The following CPED1 variants were observed in gnomAD, a reference collection of about 807,000 sequenced individuals.
CPED1 encodes cadherin like and PC-esterase domain containing 1, also known as cadherin-like and PC-esterase domain-containing protein 1.
In CPED1, 114 loss-of-function variants were observed where a neutral mutation model predicts 128.2. That is an observed-to-expected ratio of 0.89 (90% CI 0.76 to 1.04). The LOEUF is 1.04. Ranked by LOEUF, CPED1 falls within the 50% of genes least tolerant of loss-of-function variation. CPED1 has a pLI of 0.00. For missense variants in CPED1, 1,211 were observed against 1,207.1 expected, an observed-to-expected ratio of 1.00 and a Z score of -0.05; for synonymous variants, 462 against 426.7, an observed-to-expected ratio of 1.08 and a Z score of -1.02.
At chr7:121,211,535 G>A (rs558823498) in intron 16 of CPED1, among the ~76,000 whole-genome samples, 12 of 10,452 alleles carry the variant, frequency 1.1e-3, no homozygotes, top group Non-Finnish European at 3.0e-3. Flanking sequence ...GTTCTGCTAG[G>A]CCAGGCAAGC....
chr7:121,254,441 C>T (rs1798758436), intron 18 of CPED1, among the ~76,000 whole-genome samples: 1 of 151,994 alleles, frequency 6.6e-6, no homozygotes, highest in Non-Finnish European at 1.5e-5. Context: ...GCACTAACCA[C>T]CTTCCTCAAA....
chr7:121,279,913 GA>G (rs1792421844), intron 22 of CPED1, among the ~76,000 whole-genome samples: 1 of 152,178 alleles, frequency 6.6e-6, no homozygotes, highest in South Asian at 2.1e-4. Context: ...CAGTCAGGCA[GA>G]GGGTCCCTCA....
At chr7:121,129,331 A>G (rs1319217562) in intron 11 of CPED1, among the ~76,000 whole-genome samples, 3 of 131,754 alleles carry the variant, frequency 2.3e-5, no homozygotes, top group Admixed American at 7.7e-5. Context: ...ATATATATAT[A>G]TATACGTATA....
chr7:121,256,530 T>A (rs970807158), intron 18 of CPED1, among the ~76,000 whole-genome samples: 1 of 152,014 alleles, frequency 6.6e-6, no homozygotes, highest in Admixed American at 6.6e-5. Context: ...GAATGGCTAT[T>A]ACTGAAAAGT....
chr7:121,212,208 C>T (rs1228614512), intron 16 of CPED1, among the ~76,000 whole-genome samples: 2 of 152,004 alleles, frequency 1.3e-5, no homozygotes, highest in Non-Finnish European at 2.9e-5. Context: ...TACTCAGTCC[C>T]CAAATGCAAC....
chr7:121,066,317 GT>G (rs952989402), intron 5 of CPED1, among the ~76,000 whole-genome samples: 7 of 151,342 alleles, frequency 4.6e-5, no homozygotes, highest in Admixed American at 2.0e-4. Flanking sequence ...GGGGTTTTTT[GT>G]TTTTTGTTTT....
intron 22 of CPED1, among the ~76,000 whole-genome samples, chr7:121,274,483 C>T (rs1262920759): frequency 1.3e-5 from 2 of 152,030 alleles, no homozygotes; most frequent in African/African-American, 2.4e-5. Context: ...TAGGTCTCCG[C>T]CAAATTATCT....
chr7:120,995,803 C>T (rs1392755710), intron 2 of CPED1, among the ~76,000 whole-genome samples: 1 of 152,146 alleles, frequency 6.6e-6, no homozygotes, highest in Non-Finnish European at 1.5e-5. Context: ...TGAGGTCTGC[C>T]ACTGAGCGAC....
intron 3 of CPED1, among the ~76,000 whole-genome samples, chr7:121,041,383 A>AAT (rs3067999): frequency 1.3e-5 from 2 of 150,730 alleles, no homozygotes. Context: ...AATACAGAAA[A>AAT]ATATATATAT....
At chr7:121,278,530 A>C (rs1417546576) in intron 22 of CPED1, among the ~76,000 whole-genome samples, 1 of 152,206 alleles carries the variant, frequency 6.6e-6, no homozygotes, top group Non-Finnish European at 1.5e-5. Context: ...GCTGAAGATG[A>C]GTCACAGATT....
At chr7:121,236,383 C>T (rs190480417) in intron 16 of CPED1, among the ~76,000 whole-genome samples, 46 of 152,024 alleles carry the variant, frequency 3.0e-4, no homozygotes, top group Admixed American at 8.5e-4. Context: ...TCCCTTCTCA[C>T]ATGAACCGTC....
chr7:121,099,967 G>A lies in CPED1; in HGVS notation c.791G>A (p.Arg264Gln), dbSNP rs187314481. 5 of 1,612,944 alleles carry A rather than the reference G, an allele frequency of 3.1e-6. No individual in the cohort carries two copies. The Admixed American group carries it at 5.0e-5, about 16-fold the overall frequency. ...TVLAPHETIF[R>Q]AEDLSVILKA... is the part of the protein sequence containing the mutation. ...CTTGCTCCACATGAAACAATCTTTCGAGCCGAAGATCTATCTGTGATTCTT... is the reference window on the plus strand; with the variant it reads ...CTTGCTCCACATGAAACAATCTTTCAAGCCGAAGATCTATCTGTGATTCTT... The change falls in exon 7 of 23, where the codon CGA (arginine) becomes CAA (glutamine). Residue 264 changes from arginine to glutamine, a missense_variant. Arg to Gln is a conservative substitution (Grantham distance 43, BLOSUM62 1). Coordinates refer to ENST00000310396, the MANE Select transcript of CPED1 (RefSeq NM_024913.5).
At chr7:121,143,629 G>C (rs1584544402) in intron 16 of CPED1, among the ~76,000 whole-genome samples, 1 of 151,900 alleles carries the variant, frequency 6.6e-6, no homozygotes, top group East Asian at 1.9e-4. Context: ...GTGTGCTTTT[G>C]TATATTTGTG....
intron 16 of CPED1, among the ~76,000 whole-genome samples, chr7:121,180,754 C>T (rs958498961): frequency 1.5e-4 from 23 of 152,010 alleles, no homozygotes; most frequent in African/African-American, 5.3e-4. Flanking sequence ...GATGATCTAC[C>T]TATAGGCTTT....
At chr7:121,068,416 G>C (rs898347418) in intron 5 of CPED1, among the ~76,000 whole-genome samples, 3 of 151,954 alleles carry the variant, frequency 2.0e-5, no homozygotes, top group African/African-American at 7.3e-5. Flanking sequence ...TCAAAGATCA[G>C]ATAGTTGTAG....
chr7:121,175,902 G>C (rs1796764968), intron 16 of CPED1, among the ~76,000 whole-genome samples: 1 of 151,998 alleles, frequency 6.6e-6, no homozygotes, highest in Non-Finnish European at 1.5e-5. Flanking sequence ...AAATAGATTT[G>C]TCAGGCAAGG....
intron 18 of CPED1, among the ~76,000 whole-genome samples, chr7:121,249,053 G>GAATA (rs1798606612): frequency 6.6e-6 from 1 of 152,074 alleles, no homozygotes. Context: ...ATTAGCAGCA[G>GAATA]AATAGACCAG....
Position 121,161,709 on chromosome 7 carries a change from T to G in CPED1, c.2055+19568T>G, listed in dbSNP as rs1021236489. Among the ~76,000 whole-genome samples the G allele has an allele frequency of 2.0e-5, 3 of 152,230 alleles. No individual in the cohort carries two copies. The South Asian group carries it at 6.2e-4, about 32-fold the overall frequency. The stretch of plus-strand genomic sequence containing the variant: ...TGGGAGCTGCAAATCTACATTTCCC[T>G]GGGGGAAAGCTTTGGATCAAAATGA... On this transcript the variant is annotated intron_variant, in intron 16 of 22. Coordinates refer to ENST00000310396, the MANE Select transcript of CPED1 (RefSeq NM_024913.5).
At chr7:121,033,627 T>A (rs1463032367) in intron 3 of CPED1, among the ~76,000 whole-genome samples, 1 of 152,222 alleles carries the variant, frequency 6.6e-6, no homozygotes, top group Non-Finnish European at 1.5e-5. Context: ...TATTAGATTA[T>A]CTATTGTTTG....
Sources: gnomAD v4.1 joint callset for allele counts (sites outside exome capture counted in the v4.1 genomes callset) on GRCh38, gnomAD v4.1.1 for gene constraint, MANE v1.5 for transcripts, NCBI Gene and HGNC (gene_info 2026-07-23, HGNC 2026-07-21) for gene names.